ANKHD1: variants seen among roughly 807,000 people sequenced by gnomAD.
ANKHD1 encodes the protein ankyrin repeat and KH domain-containing protein 1.
A neutral mutation model predicts 230.5 loss-of-function variants in ANKHD1; 31 were observed. The ratio of observed to expected loss-of-function variants is 0.13; its 90% CI spans 0.10 to 0.18. The LOEUF (loss-of-function observed/expected upper bound fraction) is 0.18. ANKHD1 is among the 10% of genes least tolerant of loss of function. The probability of loss-of-function intolerance (pLI) is 1.00; values close to 1 mark genes in which losing one functional copy is unlikely to be tolerated. For synonymous variants in ANKHD1, 1,074 were observed against 1,117.6 expected (o/e 0.96, Z 0.78); for missense variants, 2,256 against 3,071.3 (o/e 0.73, Z 6.27).
At chr5:140,492,091 A>T (rs552897189) in intron 14 of ANKHD1, among the ~76,000 whole-genome samples, 2 of 152,342 alleles carry the variant, frequency 1.3e-5, no homozygotes, top group East Asian at 1.9e-4. Context: ...AGTAAGTGAC[A>T]TGAAAAGTTC....
chr5:140,408,678 T>G (rs1581199280), intron 1 of ANKHD1, among the ~76,000 whole-genome samples: 1 of 152,196 alleles, frequency 6.6e-6, no homozygotes, highest in African/African-American at 2.4e-5. Flanking sequence ...ATCTGTTTTT[T>G]AATTTTTAAT....
Position 140,436,242 on chromosome 5 carries a change from T to C in ANKHD1, c.445T>C (p.Leu149=). ...AGAGACACAGGCACGACTAGAAGCA[T>C]TGCTAGAAGCAGCAGGTACTTTATT... ...DPETQARLEA[L]LEAAGIGKLS... Residue 149 remains leucine (L), a synonymous_variant, in exon 2 of 34, where the codon TTG becomes CTG. Coordinates refer to ENST00000360839, the MANE Select transcript of ANKHD1 (RefSeq NM_017747.3). 6.3e-7 allele frequency: 1 copy of C among 1,575,684 alleles called. No individual in the cohort carries two copies. The highest frequency in any genetic ancestry group is 8.6e-7 in the Non-Finnish European group (1 of 1,164,480).
At chr5:140,422,555 T>TG (rs1316926787) in intron 1 of ANKHD1, among the ~76,000 whole-genome samples, 1 of 150,270 alleles carries the variant, frequency 6.7e-6, no homozygotes, top group Non-Finnish European at 1.5e-5. Flanking sequence ...TCCAGCACTT[T>TG]GGGGGGCTGA....
intron 10 of ANKHD1, among the ~76,000 whole-genome samples, chr5:140,471,969 G>A (rs1489911590): frequency 6.6e-6 from 1 of 151,922 alleles, no homozygotes; most frequent in East Asian, 1.9e-4. Flanking sequence ...TGAGACAAAG[G>A]CATGAATTTA....
rs1581350021 is a variant in ANKHD1, at chr5:140,506,116, G to T, written c.3408+247G>T. 6.6e-6 allele frequency among the ~76,000 whole-genome samples: 1 copy of T among 152,010 alleles called. No homozygotes were observed. Among genetic ancestry groups the T allele is most frequent in the Non-Finnish European group, 1.5e-5 (1 of 67,996 alleles). ...TAGCTAGGGCTGTTTTGTAGAGATGGGGTCATGTAATGTTGCCCTGGCCGA... is the reference window on the plus strand; with the variant it reads ...TAGCTAGGGCTGTTTTGTAGAGATGTGGTCATGTAATGTTGCCCTGGCCGA... On this transcript the variant is annotated intron_variant, in intron 18 of 33. Transcript: ENST00000360839. The surrounding 1 kb of genome is among the most constrained non-coding windows in gnomAD (Gnocchi z 4.7).
chr5:140,450,492 A>T (rs1253116319), intron 7 of ANKHD1, among the ~76,000 whole-genome samples: 1 of 151,432 alleles, frequency 6.6e-6, no homozygotes, highest in Non-Finnish European at 1.5e-5. Context: ...CTCATATATC[A>T]TATGATTCTA....
chr5:140,470,611 CTTTTTTTTT>C lies in ANKHD1; in HGVS notation c.1782+5850_1782+5858del, dbSNP rs386405120. On this transcript the variant is annotated intron_variant, in intron 10 of 33. Coordinates refer to ENST00000360839, the MANE Select transcript of ANKHD1 (RefSeq NM_017747.3). Reference sequence around the variant, plus strand: ...ATTTTTTTCTGTATACTTGTTTCTGCTTTTTTTTTTTTTTTTTTTTTTTCTTAAAAGGGA... The same window carrying C: ...ATTTTTTTCTGTATACTTGTTTCTGCTTTTTTTTTTTTTTCTTAAAAGGGA... 1.7e-4 allele frequency among the ~76,000 whole-genome samples: 12 copies of C among 71,774 alleles called. No homozygotes were observed. In the Admixed American group the frequency reaches 2.2e-3, roughly 13 times the overall value. The allele number at this position is 71,774 out of a possible 152,430, so 47.1% of individuals were successfully genotyped here. A position where few individuals can be genotyped will look rare whatever the true frequency, so the allele number is the denominator to read the frequency against.
chr5:140,494,498 A>C (rs1751939581), intron 14 of ANKHD1, among the ~76,000 whole-genome samples: 1 of 152,140 alleles, frequency 6.6e-6, no homozygotes, highest in African/African-American at 2.4e-5. Context: ...TTTAAGGAAT[A>C]ACTAAGCCTC....
chr5:140,527,882 A>G lies in ANKHD1; in HGVS notation c.5097A>G (p.Lys1699=), dbSNP rs750061065. 9.3e-6 allele frequency: 15 copies of G among 1,612,730 alleles called. No homozygotes were observed. The highest frequency in any genetic ancestry group is 1.3e-5 in the Non-Finnish European group (15 of 1,179,464). ...ATTCTTCATTTTATAGGTCAAAGAA[A>G]TTGTCTGTTCCAGCCTCAGTGGTGT... The part of the protein sequence containing the change: ...GWKEVVRRSK[K]LSVPASVVSR... The change falls in exon 28 of 34, where the codon AAA becomes AAG. Residue 1699 remains lysine, a synonymous_variant. Transcript: ENST00000360839. This position sits in a 1 kb window ranked among gnomAD's most constrained non-coding sequence, Gnocchi z 4.5.
chr5:140,528,018 A>ATAAGG lies in ANKHD1; in HGVS notation c.5237_5237+4dup, dbSNP rs1401900424. 1 of 1,613,576 alleles carries ATAAGG rather than the reference A, an allele frequency of 6.2e-7. No individual in the cohort carries two copies. The highest frequency in any genetic ancestry group is 1.7e-5 in the Admixed American group (1 of 59,990). Reference sequence around the variant, plus strand: ...TAAGAATGGCGAGAGAATGATCACAATAAGGTAATTGTGCAAAATGTATAC... The same window carrying ATAAGG: ...TAAGAATGGCGAGAGAATGATCACAATAAGGTAAGGTAATTGTGCAAAATGTATAC... On this transcript the variant is annotated frameshift_variant, in exon 28 of 34. Transcript: ENST00000360839. LOFTEE classifies it high-confidence loss of function.
intron 29 of ANKHD1, among the ~76,000 whole-genome samples, chr5:140,534,903 G>T (rs796274368): frequency 2.0e-5 from 3 of 152,298 alleles, no homozygotes; most frequent in African/African-American, 7.2e-5. Context: ...TGTGAGGAAG[G>T]AAACATTGGT....
Position 140,526,168 on chromosome 5 carries a change from T to A in ANKHD1, c.4665T>A (p.Pro1555=). The part of the protein sequence containing the change: ...NKKNKTKETP[P]TAHLILPEQH... ...AGAACAAAACAAAAGAAACCCCTCCTACAGCACATTTAATTTTACCAGAAC... is the reference window on the plus strand; with the variant it reads ...AGAACAAAACAAAAGAAACCCCTCCAACAGCACATTTAATTTTACCAGAAC... The change falls in exon 26 of 34, where the codon CCT becomes CCA. Residue 1555 remains proline, a synonymous_variant. Transcript: ENST00000360839. 2 of 1,613,736 alleles carry A rather than the reference T, an allele frequency of 1.2e-6. No homozygotes were observed. Among genetic ancestry groups the A allele is most frequent in the Non-Finnish European group, 1.7e-6 (2 of 1,179,950 alleles).
At chr5:140,472,807 A>T (rs771483041) in intron 10 of ANKHD1, among the ~76,000 whole-genome samples, 3 of 152,104 alleles carry the variant, frequency 2.0e-5, no homozygotes, top group Admixed American at 6.6e-5. Context: ...ATTGTCTCCT[A>T]CTATTCTGAA....
Position 140,500,525 on chromosome 5 carries a change from G to C in ANKHD1, c.3004+3247G>C, listed in dbSNP as rs950187157. 3.3e-5 allele frequency among the ~76,000 whole-genome samples: 5 copies of C among 151,746 alleles called. No homozygotes were observed. The East Asian group carries it at 7.8e-4, about 24-fold the overall frequency. On this transcript the variant is annotated intron_variant, in intron 15 of 33. Transcript: ENST00000360839. ...TAGCCAGGCGTGGTGGTGCATGCCT[G>C]TAATCCCAGCTACTTGGGGGGCTGA...
Position 140,485,969 on chromosome 5 carries a change from G to A in ANKHD1, c.2142+237G>A, listed in dbSNP as rs1030744567. Reference sequence around the variant, plus strand: ...AAACCACTTAATATCAAATATAAACGTAAGTATTCTAAGTTGTTATCTTAT... The same window carrying A: ...AAACCACTTAATATCAAATATAAACATAAGTATTCTAAGTTGTTATCTTAT... On this transcript the variant is annotated intron_variant, in intron 13 of 33. Coordinates refer to ENST00000360839, the MANE Select transcript of ANKHD1 (RefSeq NM_017747.3). The surrounding 1 kb of genome is among the most constrained non-coding windows in gnomAD (Gnocchi z 4.8). The A allele has an allele frequency of 2.8e-5, 14 of 502,886 alleles. No homozygotes were observed. Among genetic ancestry groups the A allele is most frequent in the African/African-American group, 4.0e-5 (2 of 49,564 alleles). 31.2% of individuals were successfully genotyped at this position (502,886 alleles called of 1,614,324 possible). A position where few individuals can be genotyped will look rare whatever the true frequency, so the allele number is the denominator to read the frequency against.
chr5:140,455,409 A>C (rs1273899054), intron 7 of ANKHD1, among the ~76,000 whole-genome samples: 2 of 151,720 alleles, frequency 1.3e-5, no homozygotes, highest in Non-Finnish European at 2.9e-5. Context: ...GAGACACAAC[A>C]AAAAAAGAGA....
At chr5:140,500,665 A>AAAAG (rs1554092041) in intron 15 of ANKHD1, among the ~76,000 whole-genome samples, 1,639 of 115,444 alleles carry the variant, frequency 0.014, 38 homozygotes, top group African/African-American at 0.045. Flanking sequence ...AAAAAAAAAA[A>AAAAG]AAAAGAAAAG....
intron 1 of ANKHD1, among the ~76,000 whole-genome samples, chr5:140,412,564 A>T (rs1292086101): frequency 2.0e-5 from 3 of 152,220 alleles, no homozygotes; most frequent in Non-Finnish European, 4.4e-5. Flanking sequence ...TTTTGTAATG[A>T]ACTTAATTGG....
rs1003985737 is a variant in ANKHD1 at position 140,479,099 on chromosome 5, T to A, written c.1783-3481T>A. ...CTGCAAGCTCCGCCTTCTGGGTTCATGCCATTCTCCTGCCTCAGCCTCCTG... is the reference window on the plus strand; with the variant it reads ...CTGCAAGCTCCGCCTTCTGGGTTCAAGCCATTCTCCTGCCTCAGCCTCCTG... On this transcript the variant is annotated intron_variant, in intron 10 of 33. Coordinates refer to ENST00000360839, the MANE Select transcript of ANKHD1 (RefSeq NM_017747.3). Among the ~76,000 whole-genome samples, 15 of 151,232 alleles carry A rather than the reference T, an allele frequency of 9.9e-5. 1 individual carries two copies. In the East Asian group the frequency reaches 2.7e-3, roughly 28 times the overall value.
Sources: gnomAD v4.1 joint callset for allele counts (sites outside exome capture counted in the v4.1 genomes callset) on GRCh38, gnomAD v4.1.1 for gene constraint, Gnocchi (gnomAD v3.1) non-coding constraint, MANE v1.5 for transcripts, NCBI Gene and HGNC (gene_info 2026-07-23, HGNC 2026-07-21) for gene names.